The following ZNF385C variants were observed in gnomAD, a reference collection of about 807,000 sequenced individuals.
ZNF385C encodes CTD-2132N18.2.
In ZNF385C, 28 loss-of-function variants were observed where a neutral mutation model predicts 35.4. That is an observed-to-expected ratio of 0.79 (90% CI 0.59 to 1.08). The LOEUF is 1.08. ZNF385C is among the 50% of genes least tolerant of loss of function. The pLI, the probability that ZNF385C is intolerant of heterozygous loss-of-function variation, is 0.00. For synonymous variants in ZNF385C, 248 were observed against 248.2 expected, an observed-to-expected ratio of 1.00 and a Z score of 0.01; for missense variants, 605 against 595.6, an observed-to-expected ratio of 1.02 and a Z score of -0.16.
intron 1 of ZNF385C, among the ~76,000 whole-genome samples, chr17:42,078,431 A>G (rs1339852909): frequency 7.3e-6 from 1 of 137,294 alleles, no homozygotes; most frequent in Non-Finnish European, 1.6e-5. Flanking sequence ...AATTCAACCA[A>G]CACTCAGATC....
intron 1 of ZNF385C, among the ~76,000 whole-genome samples, chr17:42,066,470 CCAT>C (rs2053547941): frequency 6.6e-6 from 1 of 152,076 alleles, no homozygotes; most frequent in African/African-American, 2.4e-5. Flanking sequence ...GTCTGTTACC[CCAT>C]CGTTTGTTGA....
chr17:42,056,691 A>T (rs1310579363), intron 2 of ZNF385C, among the ~76,000 whole-genome samples: 1 of 152,138 alleles, frequency 6.6e-6, no homozygotes. Context: ...GATGACTATC[A>T]TGGGGGCAGT....
intron 4 of ZNF385C, among the ~76,000 whole-genome samples, chr17:42,033,085 G>A (rs564498143): frequency 2.6e-5 from 4 of 152,268 alleles, no homozygotes; most frequent in Admixed American, 1.3e-4. Flanking sequence ...CTCAAATCTG[G>A]TCTGTCAGTG....
chr17:42,096,100 C>T (rs188235842), intron 1 of ZNF385C, among the ~76,000 whole-genome samples: 4 of 152,174 alleles, frequency 2.6e-5, no homozygotes, highest in South Asian at 4.1e-4. Flanking sequence ...TGGCCACCCC[C>T]CTTCCTGCTG....
At chr17:42,037,652 G>T in intron 3 of ZNF385C, 85 bp downstream of exon 3, 1 of 1,408,790 alleles carries the variant, frequency 7.1e-7, no homozygotes, top group Non-Finnish European at 9.4e-7. Context: ...AGACCCAGCT[G>T]CTGAGAGCTG....
At chr17:42,088,464 C>G (rs2053832148) in intron 1 of ZNF385C, among the ~76,000 whole-genome samples, 1 of 152,286 alleles carries the variant, frequency 6.6e-6, no homozygotes, top group South Asian at 2.1e-4. Flanking sequence ...GACAAGCGCC[C>G]TGTGTCTGGG....
chr17:42,082,918 A>C (rs1401356304), intron 1 of ZNF385C, among the ~76,000 whole-genome samples: 1 of 152,104 alleles, frequency 6.6e-6, no homozygotes, highest in Non-Finnish European at 1.5e-5. Context: ...TCTCTACTAA[A>C]AATACAAAAT....
At chr17:42,027,178 A>G in intron 8 of ZNF385C, 45 bp from the exon 9 acceptor site, 1 of 1,563,752 alleles carries the variant, frequency 6.4e-7, no homozygotes, top group Non-Finnish European at 8.8e-7. Flanking sequence ...ACCCCAGAAA[A>G]CCCCACCCCC....
At chr17:42,044,770 A>T (rs1555656468) in intron 2 of ZNF385C, among the ~76,000 whole-genome samples, 1 of 152,180 alleles carries the variant, frequency 6.6e-6, no homozygotes, top group Admixed American at 6.5e-5. Context: ...TGGGATGGGT[A>T]GCCCAGACCT....
At chr17:42,029,131 A>G in intron 5 of ZNF385C, 58 bp from the exon 6 acceptor site, 1 of 1,502,112 alleles carries the variant, frequency 6.7e-7, no homozygotes, top group East Asian at 2.5e-5. Context: ...CACGATCTTC[A>G]GCTCTGACCA....
In ZNF385C at chr17:42,028,763, C is replaced by T. The variant is rs1555654628; in HGVS notation, c.967+20G>A. ...TCTGTCCCACCCTTTCCCTGGGCTC[C>T]AGCTCCTGGGACTACTGACCTGTGT... On this transcript the variant is annotated intron_variant, in intron 6 of 8. Coordinates refer to ENST00000692273, the MANE Select transcript of ZNF385C (RefSeq NM_001392013.1). 2.6e-6 allele frequency: 4 copies of T among 1,538,638 alleles called. No individual in the cohort carries two copies. The African/African-American group carries it at 5.5e-5, about 21-fold the overall frequency.
chr17:42,034,127 C>T (rs1456791345), intron 4 of ZNF385C, 98 bp downstream of exon 4: 7 of 968,024 alleles, frequency 7.2e-6, no homozygotes, highest in Non-Finnish European at 1.1e-5. Context: ...AGCCCCTTTG[C>T]CACTGATATT....
chr17:42,062,970 T>G lies in ZNF385C; in HGVS notation c.87A>C (p.Glu29Asp), dbSNP rs781858481. 1.6e-5 allele frequency: 11 copies of G among 693,746 alleles called. No homozygotes were observed. The Admixed American group carries it at 2.3e-4, about 14-fold the overall frequency. 43.0% of individuals were successfully genotyped at this position (693,746 alleles called of 1,614,324 possible). ...GAAECLPRPP[E>D]PPKPKRERKR... The stretch of plus-strand genomic sequence containing the variant: ...TTCTTTCTCGCTTGGGCTTAGGTGG[T>G]TCTGGGGGCCGAGGGAGGCACTCAG... Residue 29 changes from glutamate (E) to aspartate (D), a missense_variant, in exon 2 of 9, where the codon GAA becomes GAC. Coordinates refer to ENST00000692273, the MANE Select transcript of ZNF385C (RefSeq NM_001392013.1).
intron 2 of ZNF385C, 75 bp from the exon 3 acceptor site, chr17:42,037,960 C>A: frequency 6.5e-7 from 1 of 1,543,182 alleles, no homozygotes. Context: ...GGCGGGTGGG[C>A]TTCTTGGGTG....
At chr17:42,083,707 CTTTTTTTTT>C (rs59612634) in intron 1 of ZNF385C, among the ~76,000 whole-genome samples, 11 of 49,966 alleles carry the variant, frequency 2.2e-4, no homozygotes, top group African/African-American at 3.4e-4. Flanking sequence ...CTTTTCAAGT[CTTTTTTTTT>C]TTTTTTTTTT....
chr17:42,027,779 C>T, intron 7 of ZNF385C, 51 bp from the exon 8 acceptor site: 1 of 1,564,382 alleles, frequency 6.4e-7, no homozygotes, highest in East Asian at 2.2e-5. Context: ...CCCAAGGACC[C>T]CAAGACCATC....
At chr17:42,029,251 A>G (rs1356129481) in intron 5 of ZNF385C, among the ~76,000 whole-genome samples, 178 bp from the exon 6 acceptor site, 1 of 152,232 alleles carries the variant, frequency 6.6e-6, no homozygotes, top group East Asian at 1.9e-4. Flanking sequence ...ATCTGAAATC[A>G]TTAAGTTGGA....
chr17:42,071,770 T>C (rs904155647), intron 1 of ZNF385C, among the ~76,000 whole-genome samples: 4 of 135,476 alleles, frequency 3.0e-5, no homozygotes, highest in Admixed American at 7.0e-5. Context: ...CCCGGGTTTA[T>C]CTCCTGCCTG....
chr17:42,047,538 G>A (rs1039805440), intron 2 of ZNF385C, among the ~76,000 whole-genome samples: 13 of 152,104 alleles, frequency 8.5e-5, no homozygotes, highest in South Asian at 2.1e-4. Flanking sequence ...GCCCTGTGTG[G>A]AACCAGCACA....
Sources: gnomAD v4.1 joint callset for allele counts (sites outside exome capture counted in the v4.1 genomes callset) on GRCh38, gnomAD v4.1.1 for gene constraint, MANE v1.5 for transcripts, NCBI Gene and HGNC (gene_info 2026-07-23, HGNC 2026-07-21) for gene names.